BABAM2: variants seen among roughly 807,000 people sequenced by gnomAD.
The protein encoded by BABAM2 is BRISC and BRCA1-A complex member 2.
Under a neutral mutation model 54.7 loss-of-function variants are expected in BABAM2, and 31 were observed. The ratio of observed to expected loss-of-function variants is 0.57; its 90% CI spans 0.43 to 0.77. The LOEUF is 0.77. Ranked by LOEUF, BABAM2 falls within the 30% of genes least tolerant of loss-of-function variation. The pLI, the probability that BABAM2 is intolerant of heterozygous loss-of-function variation, is 0.00. For synonymous variants in BABAM2, 167 were observed against 162.9 expected (o/e 1.03, Z -0.19); for missense variants, 364 against 455.8 (o/e 0.80, Z 1.83).
In BABAM2 at chr2:28,248,664, C is replaced by G. The variant is rs182624229; in HGVS notation, c.934+3802C>G. Among the ~76,000 whole-genome samples, 10 of 152,300 alleles carry G rather than the reference C, an allele frequency of 6.6e-5. No homozygotes were observed. In the Middle Eastern group the frequency reaches 0.01, roughly 155 times the overall value. On this transcript the variant is annotated intron_variant, in intron 10 of 11. Coordinates refer to ENST00000379624, the MANE Select transcript of BABAM2 (RefSeq NM_199191.3). ...AGACACACAAGGAGGCAGCTGTCTA[C>G]AGGAGCAGAGTTGCTGCTTAGAAGG...
At chr2:27,923,062 T>A (rs372525721) in intron 2 of BABAM2, among the ~76,000 whole-genome samples, 1 of 152,180 alleles carries the variant, frequency 6.6e-6, no homozygotes, top group East Asian at 1.9e-4. Context: ...TGGGAGACCT[T>A]AAGCTAGAAC....
chr2:28,069,362 C>A (rs571180225), intron 6 of BABAM2, among the ~76,000 whole-genome samples: 1 of 152,304 alleles, frequency 6.6e-6, no homozygotes, highest in South Asian at 2.1e-4. Context: ...AAGCACTGCA[C>A]TAGAGAAATC....
rs1463278880 is a variant in BABAM2, at chr2:27,995,672, C to T, written c.300+7585C>T. On this transcript the variant is annotated intron_variant, in intron 4 of 11. Transcript: ENST00000379624. This position sits in a 1 kb window ranked among gnomAD's most constrained non-coding sequence, Gnocchi z 4.1. ...TCGGCTCACTGCAAGCTCCGCCTCC[C>T]GGGTTCACGCCATTCTCCTGCCTCA... is the stretch of plus-strand genomic sequence containing the variant. Among the ~76,000 whole-genome samples the T allele has an allele frequency of 9.9e-5, 15 of 152,190 alleles. No individual in the cohort carries two copies. The highest frequency in any genetic ancestry group is 1.4e-4 in the African/African-American group (6 of 41,530).
intron 3 of BABAM2, among the ~76,000 whole-genome samples, chr2:27,970,627 C>T (rs1573294738): frequency 6.6e-6 from 1 of 152,146 alleles, no homozygotes; most frequent in East Asian, 1.9e-4. Context: ...TGATCGTACT[C>T]AAGAAATGTA....
intron 6 of BABAM2, among the ~76,000 whole-genome samples, chr2:28,083,379 G>A (rs372200866): frequency 8.5e-5 from 13 of 152,172 alleles, no homozygotes; most frequent in South Asian, 8.3e-4. Flanking sequence ...ATGCTTTCCC[G>A]CTTTTTGCAA....
chr2:27,957,572 C>T (rs1460252798), intron 3 of BABAM2, among the ~76,000 whole-genome samples: 1 of 152,130 alleles, frequency 6.6e-6, no homozygotes, highest in African/African-American at 2.4e-5. Context: ...CTACTCTAGA[C>T]AGCACTAAGA....
chr2:28,037,080 T>G (rs1676719716), intron 5 of BABAM2, among the ~76,000 whole-genome samples: 1 of 152,162 alleles, frequency 6.6e-6, no homozygotes, highest in African/African-American at 2.4e-5. Flanking sequence ...TTCCTTAAAA[T>G]TTTTTCGAAT....
chr2:28,062,682 A>C, intron 6 of BABAM2, among the ~76,000 whole-genome samples: 1 of 152,058 alleles, frequency 6.6e-6, no homozygotes, highest in Non-Finnish European at 1.5e-5. Flanking sequence ...GCTCACATCA[A>C]TGTAGAGTAA....
chr2:28,077,197 C>T (rs1033782456), intron 6 of BABAM2, among the ~76,000 whole-genome samples: 11 of 152,102 alleles, frequency 7.2e-5, no homozygotes, highest in African/African-American at 2.4e-4. Context: ...TATAAAAGTA[C>T]ATAAATGTTT....
chr2:27,959,414 A>G lies in BABAM2; in HGVS notation c.206-28579A>G, dbSNP rs1424906454. The stretch of plus-strand genomic sequence containing the variant: ...GATAAAAGAACAGTAGTTTCATGAC[A>G]GGATAACTGTGATATATCCAATCTT... On this transcript the variant is annotated intron_variant, in intron 3 of 11. Transcript: ENST00000379624. Among the ~76,000 whole-genome samples, 4 of 152,236 alleles carry G rather than the reference A, an allele frequency of 2.6e-5. No homozygotes were observed. The East Asian group carries it at 7.7e-4, about 29-fold the overall frequency.
At position 28,025,220 on chromosome 2, in the gene BABAM2, C is replaced by A; in HGVS notation, c.301-6C>A. On this transcript the variant is annotated splice_polypyrimidine_tract_variant and splice_region_variant and intron_variant, in intron 4 of 11. Transcript: ENST00000379624. The stretch of plus-strand genomic sequence containing the variant: ...ACTGGTCTTTTATTTGTTACGACTT[C>A]TACAGAATCTTGCCTCCTGGAATCC... The A allele has an allele frequency of 6.3e-7, 1 of 1,579,976 alleles. No individual in the cohort carries two copies. Among genetic ancestry groups the A allele is most frequent in the Non-Finnish European group, 8.6e-7 (1 of 1,169,044 alleles).
chr2:28,310,295 A>G, intron 11 of BABAM2: 1 of 814,288 alleles, frequency 1.2e-6, no homozygotes, highest in South Asian at 1.7e-5. Flanking sequence ...CAGCCTGTGC[A>G]GACCAGGCTG....
intron 4 of BABAM2, among the ~76,000 whole-genome samples, chr2:27,996,833 CCAGTTCT>C (rs1673184665): frequency 6.6e-6 from 1 of 152,152 alleles, no homozygotes. Context: ...TCTCAGCCTC[CCAGTTCT>C]CATTTCTTCC....
chr2:28,017,888 A>G (rs1025529446), intron 4 of BABAM2, among the ~76,000 whole-genome samples: 43 of 152,206 alleles, frequency 2.8e-4, no homozygotes, highest in Admixed American at 1.3e-4. Flanking sequence ...GTGTGTACAC[A>G]TTGTATTTAT....
At chr2:28,069,182 G>A (rs1663898637) in intron 6 of BABAM2, among the ~76,000 whole-genome samples, 1 of 151,970 alleles carries the variant, frequency 6.6e-6, no homozygotes, top group Non-Finnish European at 1.5e-5. Flanking sequence ...CCCTTCTTTA[G>A]TTAGCCTTTT....
rs369852245 is a variant in BABAM2 at position 28,015,963 on chromosome 2, T to C, written c.301-9263T>C. On this transcript the variant is annotated intron_variant, in intron 4 of 11. Coordinates refer to ENST00000379624, the MANE Select transcript of BABAM2 (RefSeq NM_199191.3). ...AATATATCTTTCTCTTTTTTCTGAG[T>C]CCTTTAATGTCCTTTTCTTTCTCAG... is the stretch of plus-strand genomic sequence containing the variant. 21 of 576,432 alleles carry C rather than the reference T, an allele frequency of 3.6e-5. No individual in the cohort carries two copies. The East Asian group carries it at 8.6e-4, about 24-fold the overall frequency. 35.7% of individuals were successfully genotyped at this position (576,432 alleles called of 1,614,324 possible).
At chr2:28,326,256 G>C (rs1447002112) in intron 11 of BABAM2, among the ~76,000 whole-genome samples, 1 of 152,172 alleles carries the variant, frequency 6.6e-6, no homozygotes, top group African/African-American at 2.4e-5. Flanking sequence ...CCTCCTCCTG[G>C]CCGGGACTGT....
At chr2:28,035,731 TGCTTACAATA>T (rs1241382199) in intron 5 of BABAM2, among the ~76,000 whole-genome samples, 3 of 152,228 alleles carry the variant, frequency 2.0e-5, no homozygotes, top group African/African-American at 7.2e-5. Context: ...CTTAAGATCT[TGCTTACAATA>T]GCTTATATTT....
At chr2:28,163,186 C>G (rs1673274685) in intron 7 of BABAM2, among the ~76,000 whole-genome samples, 1 of 152,226 alleles carries the variant, frequency 6.6e-6, no homozygotes, top group South Asian at 2.1e-4. Flanking sequence ...CAGATGCCTC[C>G]CAGCCGGCAG....
Sources: gnomAD v4.1 joint callset for allele counts (sites outside exome capture counted in the v4.1 genomes callset) on GRCh38, gnomAD v4.1.1 for gene constraint, Gnocchi (gnomAD v3.1) non-coding constraint, MANE v1.5 for transcripts, NCBI Gene and HGNC (gene_info 2026-07-23, HGNC 2026-07-21) for gene names.